GPR137C: variants seen among roughly 807,000 people sequenced by gnomAD.
GPR137C encodes integral membrane protein GPR137C.
In GPR137C, 27 loss-of-function variants were observed where a neutral mutation model predicts 43.4. The ratio of observed to expected loss-of-function variants is 0.62; its 90% CI spans 0.46 to 0.86. The LOEUF is 0.86. Ranked by LOEUF, GPR137C falls within the 40% of genes least tolerant of loss-of-function variation. The probability of loss-of-function intolerance (pLI) is 0.00; values close to 1 mark genes in which losing one functional copy is unlikely to be tolerated. For missense variants in GPR137C, 522 were observed against 534.6 expected, an observed-to-expected ratio of 0.98 and a Z score of 0.23; for synonymous variants, 285 against 226.9, an observed-to-expected ratio of 1.26 and a Z score of -2.30.
chr14:52,611,925 C>T, intron 3 of GPR137C: 1 of 983,574 alleles, frequency 1.0e-6, no homozygotes, highest in Non-Finnish European at 1.2e-6. Context: ...TCTTCATCAT[C>T]ATATTTTGAC....
At chr14:52,574,757 TC>T (rs1203728205) in intron 1 of GPR137C, among the ~76,000 whole-genome samples, 1 of 152,168 alleles carries the variant, frequency 6.6e-6, no homozygotes, top group Non-Finnish European at 1.5e-5. Context: ...TCTTCTTTCT[TC>T]CGTGGGATAT....
chr14:52,600,840 T>C (rs1052537498), intron 3 of GPR137C, among the ~76,000 whole-genome samples: 4 of 152,180 alleles, frequency 2.6e-5, no homozygotes, highest in African/African-American at 9.7e-5. Flanking sequence ...CATGCTAGCA[T>C]CTTAAGATTT....
intron 1 of GPR137C, among the ~76,000 whole-genome samples, chr14:52,573,863 A>T (rs2038509713): frequency 6.6e-6 from 1 of 152,250 alleles, no homozygotes; most frequent in African/African-American, 2.4e-5. Flanking sequence ...CAAGGAACTT[A>T]TACAAATTTA....
At chr14:52,627,663 G>T (rs2039244157) in intron 3 of GPR137C, among the ~76,000 whole-genome samples, 1 of 152,004 alleles carries the variant, frequency 6.6e-6, no homozygotes, top group African/African-American at 2.4e-5. Context: ...GGCCAACGTG[G>T]TGAAACCCCA....
At chr14:52,628,858 C>T (rs528327903) in intron 3 of GPR137C, among the ~76,000 whole-genome samples, 10 of 152,206 alleles carry the variant, frequency 6.6e-5, no homozygotes, top group Non-Finnish European at 1.3e-4. Flanking sequence ...AGACAGGCCA[C>T]AGACTTAAAG....
At chr14:52,579,601 C>G (rs879356816) in intron 1 of GPR137C, among the ~76,000 whole-genome samples, 1 of 152,182 alleles carries the variant, frequency 6.6e-6, no homozygotes, top group Non-Finnish European at 1.5e-5. Context: ...TTTGCTAGGA[C>G]TCACAATTGT....
chr14:52,611,968 C>T (rs1594802537), intron 3 of GPR137C: 11 of 985,116 alleles, frequency 1.1e-5, no homozygotes, highest in Admixed American at 1.2e-4. Flanking sequence ...TCTTACAAAA[C>T]TTGGAAAAAT....
chr14:52,577,253 G>A (rs2038571371), intron 1 of GPR137C, among the ~76,000 whole-genome samples: 1 of 147,840 alleles, frequency 6.8e-6, no homozygotes, highest in Admixed American at 6.7e-5. Context: ...AGTGATCTAT[G>A]GGTAAACAGT....
At position 52,594,703 on chromosome 14, in the gene GPR137C, A is replaced by C. The variant is rs1282210780; in HGVS notation, c.445-3569A>C. Reference sequence around the variant, plus strand: ...TCCTCCATCCCTTTTTTTTGAGTCTATGTGTGTCTCTGCACATGAGATGGG... The same window carrying C: ...TCCTCCATCCCTTTTTTTTGAGTCTCTGTGTGTCTCTGCACATGAGATGGG... On this transcript the variant is annotated intron_variant, in intron 1 of 6. Transcript: ENST00000321662. Among the ~76,000 whole-genome samples the C allele has an allele frequency of 2.0e-5, 3 of 151,754 alleles. No homozygotes were observed. In the East Asian group the frequency reaches 5.8e-4, roughly 29 times the overall value.
rs531111944 is a variant in GPR137C at position 52,557,587 on chromosome 14, C to T, written c.444+3996C>T. Among the ~76,000 whole-genome samples, 30 of 152,250 alleles carry T rather than the reference C, an allele frequency of 2.0e-4. 2 individuals are homozygous for T. In the South Asian group the frequency reaches 6.2e-3, roughly 32 times the overall value. On this transcript the variant is annotated intron_variant, in intron 1 of 6. Transcript: ENST00000321662. The stretch of plus-strand genomic sequence containing the variant: ...TTTGTCTGAATCTACTAAATTTTTT[C>T]ACTATCTTGATCTTATTTCTCCTGA...
intron 3 of GPR137C, among the ~76,000 whole-genome samples, chr14:52,606,849 T>C (rs931583993): frequency 1.3e-5 from 2 of 152,290 alleles, no homozygotes; most frequent in South Asian, 4.1e-4. Flanking sequence ...TTTGGCTTGC[T>C]CTTGCTTTTC....
chr14:52,618,346 G>A (rs1417276300), intron 3 of GPR137C, among the ~76,000 whole-genome samples: 1 of 152,066 alleles, frequency 6.6e-6, no homozygotes, highest in African/African-American at 2.4e-5. Context: ...TGTTTTGTTT[G>A]CATTGACATG....
At chr14:52,564,736 G>C (rs1217907790) in intron 1 of GPR137C, among the ~76,000 whole-genome samples, 1 of 152,136 alleles carries the variant, frequency 6.6e-6, no homozygotes, top group East Asian at 1.9e-4. Flanking sequence ...GACCAAGTCT[G>C]TTCTTGCTGT....
chr14:52,602,940 A>G lies in GPR137C; in HGVS notation c.717+2599A>G, dbSNP rs569302824. 3.3e-5 allele frequency among the ~76,000 whole-genome samples: 5 copies of G among 152,250 alleles called. No individual in the cohort carries two copies. In the East Asian group the frequency reaches 9.6e-4, roughly 29 times the overall value. Reference sequence around the variant, plus strand: ...TAATTGGGATATCATCACCTCAAACATTTATATTTTTGTATTGGAACATTA... The same window carrying G: ...TAATTGGGATATCATCACCTCAAACGTTTATATTTTTGTATTGGAACATTA... On this transcript the variant is annotated intron_variant, in intron 3 of 6. Coordinates refer to ENST00000321662, the MANE Select transcript of GPR137C (RefSeq NM_001099652.2).
intron 3 of GPR137C, among the ~76,000 whole-genome samples, chr14:52,616,436 G>A (rs1358520445): frequency 6.6e-6 from 1 of 152,128 alleles, no homozygotes; most frequent in African/African-American, 2.4e-5. Flanking sequence ...TGGAATTACA[G>A]GCATGAGCCA....
At chr14:52,628,066 G>A (rs930028122) in intron 3 of GPR137C, among the ~76,000 whole-genome samples, 14 of 152,152 alleles carry the variant, frequency 9.2e-5, no homozygotes, top group Admixed American at 7.2e-4. Context: ...AGTGCAGAAA[G>A]TAACCCTGAA....
intron 6 of GPR137C, 58 bp downstream of exon 6, chr14:52,634,004 A>C (rs950491452): frequency 1.1e-5 from 12 of 1,061,496 alleles, no homozygotes; most frequent in Admixed American, 1.1e-4. Context: ...GAAAAAAACA[A>C]ATCTAAGCTT....
chr14:52,627,211 A>G (rs1323799337), intron 3 of GPR137C, among the ~76,000 whole-genome samples: 2 of 151,706 alleles, frequency 1.3e-5, no homozygotes, highest in African/African-American at 2.4e-5. Flanking sequence ...TTGGCAATGT[A>G]GTGAGATGCT....
intron 1 of GPR137C, among the ~76,000 whole-genome samples, chr14:52,571,645 G>T (rs1487973620): frequency 1.3e-5 from 2 of 152,092 alleles, no homozygotes; most frequent in Non-Finnish European, 2.9e-5. Flanking sequence ...TTGCACTCCA[G>T]GGGGCCGTGT....
Sources: allele counts gnomAD v4.1 joint callset (sites outside exome capture counted in the v4.1 genomes callset), GRCh38; gene constraint gnomAD v4.1.1; transcripts MANE v1.5; gene names NCBI Gene and HGNC (gene_info 2026-07-23, HGNC 2026-07-21).